TRIL: variants seen among roughly 807,000 people sequenced by gnomAD.
TRIL encodes the protein TLR4 interactor with leucine rich repeats.
Under a neutral mutation model 43.0 loss-of-function variants are expected in TRIL, and 23 were observed. That is an observed-to-expected ratio of 0.54 (90% CI 0.39 to 0.76). TRIL has a LOEUF of 0.76. Ranked by LOEUF, TRIL falls within the 30% of genes least tolerant of loss-of-function variation. The probability of loss-of-function intolerance (pLI) is 0.00; values close to 1 mark genes in which losing one functional copy is unlikely to be tolerated. For synonymous variants in TRIL, 602 were observed against 556.8 expected (o/e 1.08, Z -1.14); for missense variants, 1,114 against 1,139.3 (o/e 0.98, Z 0.32).
In TRIL at chr7:28,957,492, A is replaced by G. The variant is rs781054237; in HGVS notation, c.555T>C (p.His185=). 6.2e-7 allele frequency: 1 copy of G among 1,613,196 alleles called. No homozygotes were observed. Among genetic ancestry groups the G allele is most frequent in the Non-Finnish European group, 8.5e-7 (1 of 1,179,826 alleles). ...GAAAGCGGATCCGGTTGGACTCCAG[A>G]TGTAGGTAGAGCAGGTTGCCCAAGG... ...FAPLGNLLYL[H]LESNRIRFLG... Residue 185 remains histidine, a synonymous_variant, in exon 1 of 1, where the codon CAT becomes CAC. Transcript: ENST00000539664.
In TRIL at chr7:28,956,295, C is replaced by G. The variant is rs1314326990; in HGVS notation, c.1752G>C (p.Lys584Asn). The change falls in exon 1 of 1, where the codon AAG becomes AAC. Residue 584 changes from lysine (K) to asparagine (N), a missense_variant. Coordinates refer to ENST00000539664, the MANE Select transcript of TRIL (RefSeq NM_014817.4). ...PLVSDPCDFN[K>N]FILCNLTVEA... ...CCACCGTCAGGTTGCACAGAATGAA[C>G]TTGTTGAAGTCGCATGGGTCGGACA... is the stretch of plus-strand genomic sequence containing the variant. The G allele has an allele frequency of 6.5e-7, 1 of 1,547,846 alleles. No individual in the cohort carries two copies. The highest frequency in any genetic ancestry group is 1.4e-5 in the African/African-American group (1 of 73,540).
rs777398465 is a variant in TRIL at position 28,956,708 on chromosome 7, C to T, written c.1339G>A (p.Ala447Thr). Residue 447 changes from alanine (A) to threonine (T), a missense_variant, in exon 1 of 1, where the codon GCG (alanine) becomes ACG (threonine). Coordinates refer to ENST00000539664, the MANE Select transcript of TRIL (RefSeq NM_014817.4). ...TGCGGCTGCGGCGGCAGCTCCTCCG[C>T]GAGACCTGCAGGTGGCGTCATCTCC... ...GEEMTPPAGLAEELPPQPQLQ... is the reference protein window; with the variant it reads ...GEEMTPPAGLTEELPPQPQLQ... 2 of 1,592,820 alleles carry T rather than the reference C, an allele frequency of 1.3e-6. No homozygotes were observed. Among genetic ancestry groups the T allele is most frequent in the Non-Finnish European group, 1.7e-6 (2 of 1,172,316 alleles).
chr7:28,956,437 C>G lies in TRIL; in HGVS notation c.1610G>C (p.Gly537Ala). ...GTCGCCGGCGGGCGATGGCGCAGAG[C>G]CAGGAGAGGCCGTTGGGGTGGGCTC... ...LAEPTPTASP[G>A]SAPSPAGDPW... is the part of the protein sequence containing the mutation. Residue 537 changes from glycine (G) to alanine (A), a missense_variant, in exon 1 of 1, where the codon GGC (glycine) becomes GCC (alanine). Transcript: ENST00000539664. The G allele has an allele frequency of 6.5e-7, 1 of 1,541,726 alleles. No individual in the cohort carries two copies. Among genetic ancestry groups the G allele is most frequent in the Non-Finnish European group, 8.7e-7 (1 of 1,150,718 alleles).
In TRIL at chr7:28,956,053, AG is replaced by A; in HGVS notation, c.1993del (p.Gly667AlafsTer32). Reference sequence around the variant, plus strand: ...AGCCACAGGGCAGACACGGCCCCCAAGCACGCCCTCCACGCACACCAGGTAG... The same window carrying A: ...AGCCACAGGGCAGACACGGCCCCCAACACGCCCTCCACGCACACCAGGTAG... ...TPYLVCVEGV[L>X]GGRVCPVAPR... On this transcript the variant is annotated frameshift_variant, in exon 1 of 1. Coordinates refer to ENST00000539664, the MANE Select transcript of TRIL (RefSeq NM_014817.4). LOFTEE classifies it high-confidence loss of function. 1.3e-6 allele frequency: 2 copies of A among 1,550,658 alleles called. No individual in the cohort carries two copies. Among genetic ancestry groups the A allele is most frequent in the Non-Finnish European group, 1.7e-6 (2 of 1,152,016 alleles).
Position 28,956,662 on chromosome 7 carries a change from A to C in TRIL, c.1385T>G (p.Phe462Cys), listed in dbSNP as rs1322549474. Reference sequence around the variant, plus strand: ...CCCATCCCAGGCCACCCCAGCTAGAAATCGCCCCTGCTGCTGGAGCTGCGG... The same window carrying C: ...CCCATCCCAGGCCACCCCAGCTAGACATCGCCCCTGCTGCTGGAGCTGCGG... ...PQPQLQQQGR[F>C]LAGVAWDGAA... The change falls in exon 1 of 1, where the codon TTT becomes TGT. Residue 462 changes from phenylalanine to cysteine, a missense_variant. By Grantham distance (205) the Phe-to-Cys change is radical. Coordinates refer to ENST00000539664, the MANE Select transcript of TRIL (RefSeq NM_014817.4). The C allele has an allele frequency of 1.3e-6, 2 of 1,577,358 alleles. No individual in the cohort carries two copies. The highest frequency in any genetic ancestry group is 2.3e-5 in the South Asian group (2 of 86,726).
rs1783393855 is a variant in TRIL at position 28,955,955 on chromosome 7, G to A, written c.2092C>T (p.Leu698=). The A allele has an allele frequency of 6.4e-7, 1 of 1,554,322 alleles. No homozygotes were observed. The highest frequency in any genetic ancestry group is 1.2e-5 in the South Asian group (1 of 84,568). ...GSRGGVDYQL[L]TLALLTVNAL... ...TTGACCGTCAGCAGGGCCAAGGTCA[G>A]CAGCTGGTAGTCGACGCCGCCCCGG... The change falls in exon 1 of 1, where the codon CTG becomes TTG. Residue 698 remains leucine (L), a synonymous_variant. Coordinates refer to ENST00000539664, the MANE Select transcript of TRIL (RefSeq NM_014817.4).
In TRIL at chr7:28,956,775, G is replaced by C; in HGVS notation, c.1272C>G (p.Thr424=). ...GTAGGGGCTGCCGCCTGCGGTCAGC[G>C]GTCAGGGAAGCTGAGGGCGAGGGAT... ...CADPSPSASL[T]ADRRRQPLPT... Residue 424 remains threonine (T), a synonymous_variant, in exon 1 of 1, where the codon ACC becomes ACG. Coordinates refer to ENST00000539664, the MANE Select transcript of TRIL (RefSeq NM_014817.4). The C allele has an allele frequency of 1.2e-6, 2 of 1,609,646 alleles. No individual in the cohort carries two copies. The highest frequency in any genetic ancestry group is 1.7e-6 in the Non-Finnish European group (2 of 1,179,340).
Position 28,957,564 on chromosome 7 carries a change from C to T in TRIL, c.483G>A (p.Arg161=), listed in dbSNP as rs763174597. 3 of 1,612,214 alleles carry T rather than the reference C, an allele frequency of 1.9e-6. No homozygotes were observed. Among genetic ancestry groups the T allele is most frequent in the Non-Finnish European group, 2.5e-6 (3 of 1,179,600 alleles). The change falls in exon 1 of 1, where the codon CGG becomes CGA. Residue 161 remains arginine (R), a synonymous_variant. Transcript: ENST00000539664. ...GCGCCCCCAGGGCGTTCCCGTCCAGCCGCAGCTTGACTAGACTCTCCAGGC... is the reference window on the plus strand; with the variant it reads ...GCGCCCCCAGGGCGTTCCCGTCCAGTCGCAGCTTGACTAGACTCTCCAGGC... ...FEGLESLVKL[R]LDGNALGALP...
At position 28,957,876 on chromosome 7, in the gene TRIL, G is replaced by A. The variant is rs886242378; in HGVS notation, c.171C>T (p.Ser57=). 6.2e-6 allele frequency: 10 copies of A among 1,613,400 alleles called. No homozygotes were observed. The Middle Eastern group carries it at 4.9e-4, about 80-fold the overall frequency. The change falls in exon 1 of 1, where the codon AGC becomes AGT. Residue 57 remains serine, a synonymous_variant. Transcript: ENST00000539664. ...GGCTGTAGGTGAGCACGTCGTGGGG[G>A]CTCGGCAGCGAGCTGGTCTTGGGCA... ...RVVPKTSSLP[S]PHDVLTYSLG...
chr7:28,955,942 A>C lies in TRIL; in HGVS notation c.2105T>G (p.Leu702Arg). 6.4e-7 allele frequency: 1 copy of C among 1,554,352 alleles called. No homozygotes were observed. The highest frequency in any genetic ancestry group is 8.7e-7 in the Non-Finnish European group (1 of 1,152,172). ...CACCAGCAGCGCGTTGACCGTCAGC[A>C]GGGCCAAGGTCAGCAGCTGGTAGTC... ...GVDYQLLTLALLTVNALLVLL... is the reference protein window; with the variant it reads ...GVDYQLLTLARLTVNALLVLL... Residue 702 changes from leucine to arginine, a missense_variant, in exon 1 of 1, where the codon CTG (leucine) becomes CGG (arginine). Coordinates refer to ENST00000539664, the MANE Select transcript of TRIL (RefSeq NM_014817.4).
rs1178601054 is a variant in TRIL, at chr7:28,958,298, A to G, written c.-252T>C. The G allele has an allele frequency of 1.5e-5, 7 of 460,336 alleles. No individual in the cohort carries two copies. Among genetic ancestry groups the G allele is most frequent in the Non-Finnish European group, 2.7e-5 (7 of 260,106 alleles). The allele number at this position is 460,336 out of a possible 1,614,324, so 28.5% of individuals were successfully genotyped here. A position where few individuals can be genotyped will look rare whatever the true frequency, so the allele number is the denominator to read the frequency against. On this transcript the variant is annotated 5_prime_UTR_variant, in exon 1 of 1. Transcript: ENST00000539664. Reference sequence around the variant, plus strand: ...TACTACTTGTTGCATTTCTGTATAAAACTGTTTCTCCGGGTGCGCGTCGGC... The same window carrying G: ...TACTACTTGTTGCATTTCTGTATAAGACTGTTTCTCCGGGTGCGCGTCGGC...
In TRIL at chr7:28,954,181, A is replaced by G. The variant is rs913486584; in HGVS notation, c.*1430T>C. 5.9e-5 allele frequency: 9 copies of G among 152,582 alleles called. No individual in the cohort carries two copies. Among genetic ancestry groups the G allele is most frequent in the Non-Finnish European group, 1.0e-4 (7 of 68,040 alleles). 9.5% of individuals were successfully genotyped at this position (152,582 alleles called of 1,614,324 possible). The stretch of plus-strand genomic sequence containing the variant: ...GTAAACCAAACCACTACACTTAGTG[A>G]TAAACATGTACTTCATAAATAGCAG... On this transcript the variant is annotated 3_prime_UTR_variant, in exon 1 of 1. Coordinates refer to ENST00000539664, the MANE Select transcript of TRIL (RefSeq NM_014817.4).
In TRIL at chr7:28,955,652, G is replaced by T; in HGVS notation, c.2395C>A (p.Leu799Met). 6.5e-7 allele frequency: 1 copy of T among 1,546,792 alleles called. No individual in the cohort carries two copies. Among genetic ancestry groups the T allele is most frequent in the Non-Finnish European group, 8.7e-7 (1 of 1,146,410 alleles). The change falls in exon 1 of 1, where the codon CTG becomes ATG. Residue 799 changes from leucine (L) to methionine (M), a missense_variant. By Grantham distance (15) the Leu-to-Met change is conservative (BLOSUM62 2). Transcript: ENST00000539664. ...TGCAGGAGACGGTCCTCCCGTCTCA[G>T]GCTGCCGCCCGCGCCGCCGCCCGCA... ...DSAGGGAGGS[L>M]RREDRLLQRF...
chr7:28,954,903 G>A lies in TRIL; in HGVS notation c.*708C>T, dbSNP rs773390248. On this transcript the variant is annotated 3_prime_UTR_variant, in exon 1 of 1. Coordinates refer to ENST00000539664, the MANE Select transcript of TRIL (RefSeq NM_014817.4). ...TTAGTTATCCTCGAAGTCAGCAAGC[G>A]CTCTTGTACTGTTAATATTAAAAGG... The A allele has an allele frequency of 6.6e-6, 1 of 152,118 alleles. No individual in the cohort carries two copies. The highest frequency in any genetic ancestry group is 1.5e-5 in the Non-Finnish European group (1 of 68,040). 9.4% of individuals were successfully genotyped at this position (152,118 alleles called of 1,614,324 possible).
chr7:28,958,199 G>T lies in TRIL; in HGVS notation c.-153C>A. The T allele has an allele frequency of 8.6e-7, 1 of 1,161,978 alleles. No individual in the cohort carries two copies. The highest frequency in any genetic ancestry group is 1.2e-6 in the Non-Finnish European group (1 of 859,752). The allele number at this position is 1,161,978 out of a possible 1,614,324, so 72.0% of individuals were successfully genotyped here. Reference sequence around the variant, plus strand: ...GCCCCTCCTCCGTCCTTTGTCCGGAGGCCGGCCCGGGTCTCTGCAGGCGGG... The same window carrying T: ...GCCCCTCCTCCGTCCTTTGTCCGGATGCCGGCCCGGGTCTCTGCAGGCGGG... On this transcript the variant is annotated 5_prime_UTR_variant, in exon 1 of 1. Transcript: ENST00000539664.
At position 28,953,761 on chromosome 7, in the gene TRIL, T is replaced by G. The variant is rs1294274941; in HGVS notation, c.*1850A>C. 6.6e-6 allele frequency: 1 copy of G among 152,282 alleles called. No individual in the cohort carries two copies. The highest frequency in any genetic ancestry group is 1.5e-5 in the Non-Finnish European group (1 of 68,062). The allele number at this position is 152,282 out of a possible 1,614,324, so 9.4% of individuals were successfully genotyped here. A position where few individuals can be genotyped will look rare whatever the true frequency, so the allele number is the denominator to read the frequency against. ...ATGACAGTCTATTTCCTGTGGTTTATTAAGTTTTGGCCCCGCAGACGAGAC... is the reference window on the plus strand; with the variant it reads ...ATGACAGTCTATTTCCTGTGGTTTAGTAAGTTTTGGCCCCGCAGACGAGAC... On this transcript the variant is annotated 3_prime_UTR_variant, in exon 1 of 1. Transcript: ENST00000539664.
In TRIL at chr7:28,956,586, C is replaced by T. The variant is rs750643146; in HGVS notation, c.1461G>A (p.Arg487=). 2.6e-6 allele frequency: 4 copies of T among 1,557,536 alleles called. No individual in the cohort carries two copies. The South Asian group carries it at 3.6e-5, about 14-fold the overall frequency. ...GNRSALRLSR[R]GPGLQQPSPS... ...GGCTGGGCTGCTGGAGGCCCGGGCC[C>T]CGCCGACTCAGCCTTAGGGCGCTGC... Residue 487 remains arginine, a synonymous_variant, in exon 1 of 1, where the codon CGG becomes CGA. Transcript: ENST00000539664.
At position 28,957,441 on chromosome 7, in the gene TRIL, TA is replaced by T; in HGVS notation, c.605del (p.Leu202GlnfsTer88). 6.2e-7 allele frequency: 1 copy of T among 1,613,328 alleles called. No homozygotes were observed. Among genetic ancestry groups the T allele is most frequent in the Non-Finnish European group, 8.5e-7 (1 of 1,179,852 alleles). On this transcript the variant is annotated frameshift_variant, in exon 1 of 1. Transcript: ENST00000539664. LOFTEE classifies it high-confidence loss of function. ...AGAGGTTGAGGAAGCGCAGCTTGCC[TA>T]GCTGGGCGAAGGCGTTCTTGCCCAG... ...RFLGKNAFAQ[L>X]GKLRFLNLSA...
Position 28,958,111 on chromosome 7 carries a change from G to A in TRIL, c.-65C>T. On this transcript the variant is annotated 5_prime_UTR_variant, in exon 1 of 1. It introduces an in-frame stop codon into an upstream open reading frame of the 5' UTR. Coordinates refer to ENST00000539664, the MANE Select transcript of TRIL (RefSeq NM_014817.4). The stretch of plus-strand genomic sequence containing the variant: ...GGCCCGCCGGCTCTGTGTCTCCTCT[G>A]CATTCCCCTTAGCCTGGCCAGAGTC... 1 of 1,455,522 alleles carries A rather than the reference G, an allele frequency of 6.9e-7. No homozygotes were observed. 90.2% of individuals were successfully genotyped at this position (1,455,522 alleles called of 1,614,324 possible).
Sources: allele counts gnomAD v4.1 joint callset, GRCh38; gene constraint gnomAD v4.1.1; transcripts MANE v1.5; gene names NCBI Gene and HGNC (gene_info 2026-07-23, HGNC 2026-07-21).